COL5A2: variants seen among roughly 807,000 people sequenced by gnomAD.
COL5A2 encodes the protein collagen alpha-2(V) chain.
Under a neutral mutation model 208.2 loss-of-function variants are expected in COL5A2, and 23 were observed. That is an observed-to-expected ratio of 0.11 (90% CI 0.08 to 0.16). COL5A2 has a LOEUF of 0.16. Ranked by LOEUF, COL5A2 falls within the 10% of genes least tolerant of loss-of-function variation. The pLI, the probability that COL5A2 is intolerant of heterozygous loss-of-function variation, is 1.00. For synonymous variants in COL5A2, 625 were observed against 628.5 expected (o/e 0.99, Z 0.08); for missense variants, 1,590 against 1,956.4 (o/e 0.81, Z 3.53).
chr2:189,068,276 A>G lies in COL5A2; in HGVS notation c.1258-6T>C. On this transcript the variant is annotated splice_polypyrimidine_tract_variant and splice_region_variant and intron_variant, in intron 19 of 53. Coordinates refer to ENST00000374866, the MANE Select transcript of COL5A2 (RefSeq NM_000393.5). ...CCATCAGTTCCTATTGCACCCTAAA[A>G]GGTACATTAAAAGTATGTAATGAAA... The G allele has an allele frequency of 6.2e-7, 1 of 1,609,942 alleles. No individual in the cohort carries two copies. The highest frequency in any genetic ancestry group is 1.7e-5 in the Admixed American group (1 of 60,000).
the COL5A2 span, among the ~76,000 whole-genome samples, chr2:189,372,267 A>G: frequency 6.6e-6 from 1 of 152,228 alleles, no homozygotes; most frequent in Non-Finnish European, 1.5e-5. Context: ...CTCAATATAT[A>G]TTTATAGAGA....
chr2:189,065,332 C>T (rs763336142), intron 23 of COL5A2, among the ~76,000 whole-genome samples: 6 of 152,152 alleles, frequency 3.9e-5, no homozygotes, highest in Non-Finnish European at 8.8e-5. Context: ...GAGTTCAAGA[C>T]CAGCCTGGCC....
chr2:189,116,375 G>A (rs1348721171), intron 1 of COL5A2, among the ~76,000 whole-genome samples: 1 of 152,196 alleles, frequency 6.6e-6, no homozygotes, highest in African/African-American at 2.4e-5. Flanking sequence ...TTTATCATTA[G>A]AAGGGAAAGA....
At chr2:189,343,223 A>G in the COL5A2 span, among the ~76,000 whole-genome samples, 5 of 152,096 alleles carry the variant, frequency 3.3e-5, no homozygotes, top group Admixed American at 2.6e-4. Context: ...ATAGTCCATA[A>G]TTTGAATCAA....
At chr2:189,278,447 C>T in the COL5A2 span, among the ~76,000 whole-genome samples, 1 of 152,016 alleles carries the variant, frequency 6.6e-6, no homozygotes, top group Non-Finnish European at 1.5e-5. Context: ...TGTATATCAG[C>T]AATCTGCAAA....
intron 1 of COL5A2, among the ~76,000 whole-genome samples, chr2:189,215,625 T>C (rs1336366857): frequency 6.6e-6 from 1 of 152,070 alleles, no homozygotes; most frequent in African/African-American, 2.4e-5. Context: ...ACATTACATA[T>C]CTTTTGGGCA....
intron 1 of COL5A2, among the ~76,000 whole-genome samples, chr2:189,216,402 C>T (rs1559148157): frequency 6.6e-6 from 1 of 151,988 alleles, no homozygotes; most frequent in African/African-American, 2.4e-5. Flanking sequence ...CTCACTAACT[C>T]ATTCATTCAA....
Position 189,036,701 on chromosome 2 carries a change from C to T in COL5A2, c.4028G>A (p.Ser1343Asn), listed in dbSNP as rs773716524. The change falls in exon 52 of 54, where the codon AGT (serine) becomes AAT (asparagine). Residue 1343 changes from serine to asparagine, a missense_variant. Transcript: ENST00000374866. ...GGCCCACCAGGTTTTACGTGGTACA[C>T]TGGATGGGTTTGCTGAAATACATGT... ...GETCISANPS[S>N]VPRKTWWASK... 1 of 1,613,764 alleles carries T rather than the reference C, an allele frequency of 6.2e-7. No homozygotes were observed. The highest frequency in any genetic ancestry group is 1.1e-5 in the South Asian group (1 of 91,064).
chr2:189,356,232 A>G, the COL5A2 span, among the ~76,000 whole-genome samples: 98 of 152,110 alleles, frequency 6.4e-4, no homozygotes, highest in Non-Finnish European at 1.3e-4. Flanking sequence ...ACCTTGGTGA[A>G]TCTGAGAATT....
intron 1 of COL5A2, among the ~76,000 whole-genome samples, chr2:189,127,405 C>G (rs963634994): frequency 6.6e-6 from 1 of 151,926 alleles, no homozygotes; most frequent in Non-Finnish European, 1.5e-5. Flanking sequence ...TAACTAATAG[C>G]CTTTCAGATG....
chr2:189,123,147 A>G (rs1468923778), intron 1 of COL5A2, among the ~76,000 whole-genome samples: 1 of 152,116 alleles, frequency 6.6e-6, no homozygotes, highest in Non-Finnish European at 1.5e-5. Context: ...TATTTTTAGT[A>G]GAGACAAGGT....
In COL5A2 at chr2:189,079,971, A is replaced by C; in HGVS notation, c.960+7T>G. The C allele has an allele frequency of 6.2e-7, 1 of 1,610,648 alleles. No individual in the cohort carries two copies. Among genetic ancestry groups the C allele is most frequent in the East Asian group, 2.2e-5 (1 of 44,850 alleles). Reference sequence around the variant, plus strand: ...GTGAGGTTACAGTGAGATAATTATAAGATTACCTTGGAACCAGGTGCTCCA... The same window carrying C: ...GTGAGGTTACAGTGAGATAATTATACGATTACCTTGGAACCAGGTGCTCCA... On this transcript the variant is annotated splice_region_variant and intron_variant, in intron 14 of 53. Coordinates refer to ENST00000374866, the MANE Select transcript of COL5A2 (RefSeq NM_000393.5).
upstream of COL5A2, among the ~76,000 whole-genome samples, chr2:189,229,579 A>G (rs777138420): frequency 6.6e-5 from 10 of 151,854 alleles, no homozygotes; most frequent in Non-Finnish European, 1.5e-4. Context: ...AATCCCATTT[A>G]CAAAAGGACC....
At chr2:189,083,870 A>AT in intron 12 of COL5A2, 114 bp downstream of exon 12, 1 of 809,360 alleles carries the variant, frequency 1.2e-6, no homozygotes, top group Non-Finnish European at 2.1e-6. Context: ...GAAACAAACA[A>AT]TGCTGTTTGT....
the COL5A2 span, among the ~76,000 whole-genome samples, chr2:189,237,149 C>T: frequency 6.6e-6 from 1 of 151,624 alleles, no homozygotes; most frequent in African/African-American, 2.4e-5. Context: ...TTACTGTTTA[C>T]CTCAGTTCAA....
chr2:189,193,835 A>T (rs1461581734), intron 1 of COL5A2, among the ~76,000 whole-genome samples: 1 of 152,158 alleles, frequency 6.6e-6, no homozygotes, highest in Non-Finnish European at 1.5e-5. Context: ...AGATCTTTTC[A>T]TATACTTTAA....
At chr2:189,281,334 T>TA in the COL5A2 span, among the ~76,000 whole-genome samples, 150 of 152,284 alleles carry the variant, frequency 9.9e-4, 1 homozygote, top group Non-Finnish European at 1.6e-3. Flanking sequence ...AACTTGGACT[T>TA]AATGCATCAA....
intron 1 of COL5A2, among the ~76,000 whole-genome samples, chr2:189,214,578 T>C (rs1156469682): frequency 6.6e-6 from 1 of 152,130 alleles, no homozygotes; most frequent in African/African-American, 2.4e-5. Context: ...TCTATCTTCA[T>C]TTTTTAATAT....
chr2:189,160,536 G>T lies in COL5A2; in HGVS notation c.97+18972C>A, dbSNP rs141520403. 4.0e-3 allele frequency among the ~76,000 whole-genome samples: 609 copies of T among 152,112 alleles called. 6 individuals are homozygous for T. Among genetic ancestry groups the T allele is most frequent in the African/African-American group, 0.014 (575 of 41,478 alleles). On this transcript the variant is annotated intron_variant, in intron 1 of 53. Coordinates refer to ENST00000374866, the MANE Select transcript of COL5A2 (RefSeq NM_000393.5). The stretch of plus-strand genomic sequence containing the variant: ...AAATCCTCACTGGACTCTACATCCT[G>T]TTCTGACTAGGGTCCTATAGCTCTT...
Sources: gnomAD v4.1 joint callset for allele counts (sites outside exome capture counted in the v4.1 genomes callset) on GRCh38, gnomAD v4.1.1 for gene constraint, MANE v1.5 for transcripts, NCBI Gene and HGNC (gene_info 2026-07-23, HGNC 2026-07-21) for gene names.